TMEM132B: variants seen among roughly 807,000 people sequenced by gnomAD.
TMEM132B encodes the protein transmembrane protein 132B.
Under a neutral mutation model 90.8 loss-of-function variants are expected in TMEM132B, and 18 were observed. That is an observed-to-expected ratio of 0.20 (90% CI 0.14 to 0.29). The LOEUF (loss-of-function observed/expected upper bound fraction) is 0.29. TMEM132B is among the 10% of genes least tolerant of loss of function. TMEM132B has a pLI of 1.00. For missense variants in TMEM132B, 1,096 were observed against 1,326.8 expected, an observed-to-expected ratio of 0.83 and a Z score of 2.70; for synonymous variants, 504 against 523.3, an observed-to-expected ratio of 0.96 and a Z score of 0.50.
At chr12:125,321,068 T>C (rs1876414276) in intron 1 of TMEM132B, among the ~76,000 whole-genome samples, 1 of 152,206 alleles carries the variant, frequency 6.6e-6, no homozygotes, top group South Asian at 2.1e-4. Flanking sequence ...AGATTCAGCG[T>C]ATGCATTGGT....
At chr12:125,612,078 G>T (rs1362632131) in intron 5 of TMEM132B, among the ~76,000 whole-genome samples, 1 of 151,694 alleles carries the variant, frequency 6.6e-6, no homozygotes, top group African/African-American at 2.4e-5. Context: ...ATAGATCTGG[G>T]GCTCTGTTTT....
At chr12:125,416,706 T>C (rs1880024706) in intron 3 of TMEM132B, among the ~76,000 whole-genome samples, 1 of 152,224 alleles carries the variant, frequency 6.6e-6, no homozygotes, top group Non-Finnish European at 1.5e-5. Flanking sequence ...GGGTGAGAAG[T>C]GACTCAGACA....
At chr12:125,428,916 A>AG (rs1203074672) in intron 3 of TMEM132B, among the ~76,000 whole-genome samples, 1 of 152,188 alleles carries the variant, frequency 6.6e-6, no homozygotes, top group African/African-American at 2.4e-5. Flanking sequence ...TGTTTGCAGA[A>AG]GGGGTGTGCG....
intron 3 of TMEM132B, among the ~76,000 whole-genome samples, chr12:125,508,626 G>A (rs1882902432): frequency 6.6e-6 from 1 of 152,092 alleles, no homozygotes; most frequent in African/African-American, 2.4e-5. Flanking sequence ...GAGTCAACTT[G>A]CCTATTAGGC....
intron 1 of TMEM132B, among the ~76,000 whole-genome samples, chr12:125,252,703 A>G (rs1226063288): frequency 6.6e-6 from 1 of 152,192 alleles, no homozygotes; most frequent in Non-Finnish European, 1.5e-5. Flanking sequence ...ACAGAACCAC[A>G]CAGACAAGCC....
chr12:125,339,796 C>A (rs932815894), intron 1 of TMEM132B, among the ~76,000 whole-genome samples: 1 of 151,948 alleles, frequency 6.6e-6, no homozygotes, highest in Non-Finnish European at 1.5e-5. Context: ...ATATTTGCAC[C>A]CCCCAATGGC....
At chr12:125,390,576 T>A (rs866951647) in intron 2 of TMEM132B, among the ~76,000 whole-genome samples, 74 of 152,212 alleles carry the variant, frequency 4.9e-4, no homozygotes, top group African/African-American at 1.6e-3. Context: ...GACATGAGGT[T>A]GTGTGACATC....
At position 125,653,900 on chromosome 12, in the gene TMEM132B, A is replaced by T; in HGVS notation, c.2442A>T (p.Glu814Asp). The change falls in exon 9 of 9, where the codon GAA (glutamate) becomes GAT (aspartate). Residue 814 changes from glutamate (E) to aspartate (D), a missense_variant. Coordinates refer to ENST00000682704, the MANE Select transcript of TMEM132B (RefSeq NM_001366854.1). ...ATGATATTGAGGGCATAAATCGGGAATATAAAGACCACCTCAGTAATTCCA... is the reference window on the plus strand; with the variant it reads ...ATGATATTGAGGGCATAAATCGGGATTATAAAGACCACCTCAGTAATTCCA... The part of the protein sequence containing the change: ...GSNDIEGINR[E>D]YKDHLSNSIE... 6.2e-7 allele frequency: 1 copy of T among 1,614,200 alleles called. No homozygotes were observed. The highest frequency in any genetic ancestry group is 8.5e-7 in the Non-Finnish European group (1 of 1,180,048).
chr12:125,431,146 G>A (rs1236758592), intron 3 of TMEM132B, among the ~76,000 whole-genome samples: 1 of 152,176 alleles, frequency 6.6e-6, no homozygotes, highest in African/African-American at 2.4e-5. Context: ...AGCTACTGCA[G>A]GGCTTTGAGG....
chr12:125,396,537 G>C lies in TMEM132B; in HGVS notation c.960-18994G>C, dbSNP rs894740492. Among the ~76,000 whole-genome samples the C allele has an allele frequency of 2.0e-5, 3 of 152,120 alleles. 1 individual carries two copies. Among genetic ancestry groups the C allele is most frequent in the African/African-American group, 4.8e-5 (2 of 41,414 alleles). ...TGTTTGTTTGTTTGTTTTTGAAATG[G>C]GGTCTTGCTCTGTCAACCAGGCTGG... On this transcript the variant is annotated intron_variant, in intron 2 of 8. Coordinates refer to ENST00000682704, the MANE Select transcript of TMEM132B (RefSeq NM_001366854.1).
intron 3 of TMEM132B, among the ~76,000 whole-genome samples, chr12:125,431,316 C>T (rs751018017): frequency 1.3e-5 from 2 of 151,874 alleles, no homozygotes; most frequent in Non-Finnish European, 2.9e-5. Flanking sequence ...GGGTCCCCTT[C>T]GTGTTAATGA....
intron 4 of TMEM132B, among the ~76,000 whole-genome samples, chr12:125,521,438 T>C (rs1566062159): frequency 6.6e-6 from 1 of 152,170 alleles, no homozygotes; most frequent in Non-Finnish European, 1.5e-5. Flanking sequence ...GTACAAAAAA[T>C]GGGCTCACTA....
chr12:125,285,802 CA>C (rs2136138149), intron 1 of TMEM132B, among the ~76,000 whole-genome samples: 1 of 152,342 alleles, frequency 6.6e-6, no homozygotes, highest in Non-Finnish European at 1.5e-5. Flanking sequence ...GCCAAGTGGC[CA>C]GGGGGCAAAG....
At chr12:125,581,533 T>C (rs1885054437) in intron 4 of TMEM132B, among the ~76,000 whole-genome samples, 1 of 152,164 alleles carries the variant, frequency 6.6e-6, no homozygotes, top group Non-Finnish European at 1.5e-5. Context: ...TCATGTGCTT[T>C]TCTGCGAAGT....
chr12:125,229,027 G>A (rs1037720087), intron 1 of TMEM132B, among the ~76,000 whole-genome samples: 4 of 152,196 alleles, frequency 2.6e-5, no homozygotes, highest in Non-Finnish European at 4.4e-5. Context: ...TGGTGCCGCG[G>A]GCGAGGGAGA....
At chr12:125,588,220 C>T (rs1450630867) in intron 5 of TMEM132B, 1 of 152,180 alleles carries the variant, frequency 6.6e-6, no homozygotes, top group Non-Finnish European at 1.5e-5. Flanking sequence ...CATCTCTGAG[C>T]CTAGTTTCCT....
At chr12:125,204,165 A>G (rs73233315) in intron 1 of TMEM132B, among the ~76,000 whole-genome samples, 37,567 of 150,708 alleles carry the variant, frequency 0.25, 5,733 homozygotes, top group East Asian at 0.37. Context: ...AATCCTTTCA[A>G]TGAGGGCTCC....
At chr12:125,431,306 G>C (rs892603387) in intron 3 of TMEM132B, among the ~76,000 whole-genome samples, 1 of 151,986 alleles carries the variant, frequency 6.6e-6, no homozygotes, top group African/African-American at 2.4e-5. Context: ...TGGTAATGGG[G>C]GGTCCCCTTC....
At chr12:125,638,669 A>C (rs1002758059) in intron 5 of TMEM132B, among the ~76,000 whole-genome samples, 3 of 152,072 alleles carry the variant, frequency 2.0e-5, no homozygotes, top group African/African-American at 4.8e-5. Flanking sequence ...AGGGAAGCCC[A>C]ACGTGCAGTC....
Sources: allele counts gnomAD v4.1 joint callset (sites outside exome capture counted in the v4.1 genomes callset), GRCh38; gene constraint gnomAD v4.1.1; transcripts MANE v1.5; gene names NCBI Gene and HGNC (gene_info 2026-07-23, HGNC 2026-07-21).